The following SVOPL variants were observed in gnomAD, a reference collection of about 807,000 sequenced individuals.
SVOPL encodes putative transporter SVOPL.
A neutral mutation model predicts 61.0 loss-of-function variants in SVOPL; 60 were observed. That is an observed-to-expected ratio of 0.98 (90% CI 0.80 to 1.22). The LOEUF (loss-of-function observed/expected upper bound fraction) is 1.22, where lower values mean the gene tolerates loss of function less well. Ranked by LOEUF, SVOPL falls within the 50% of genes most tolerant of loss-of-function variation. SVOPL has a pLI of 0.00. For missense variants in SVOPL, 662 were observed against 643.9 expected, an observed-to-expected ratio of 1.03 and a Z score of -0.30; for synonymous variants, 279 against 250.0, an observed-to-expected ratio of 1.12 and a Z score of -1.09.
chr7:138,679,054 T>C lies in SVOPL; in HGVS notation c.-9A>G. 6.4e-7 allele frequency: 1 copy of C among 1,551,032 alleles called. No individual in the cohort carries two copies. The highest frequency in any genetic ancestry group is 8.7e-7 in the Non-Finnish European group (1 of 1,146,690). ...GTTGGCTTGGTTGCCATCTTCTAAA[T>C]AGCTCAAGTTCCCCAAACAGCTTCC... On this transcript the variant is annotated 5_prime_UTR_variant, in exon 2 of 16. Coordinates refer to ENST00000674285, the MANE Select transcript of SVOPL (RefSeq NM_001139456.2).
chr7:138,603,597 G>A lies in SVOPL; in HGVS notation c.1354-7067C>T, dbSNP rs1198644285. ...TGAGGCACAAGAATTGCTTGAACCCGGCAGGCAGAGGTTGCAGTGAGCGGA... is the reference window on the plus strand; with the variant it reads ...TGAGGCACAAGAATTGCTTGAACCCAGCAGGCAGAGGTTGCAGTGAGCGGA... On this transcript the variant is annotated intron_variant, in intron 14 of 15. Coordinates refer to ENST00000674285, the MANE Select transcript of SVOPL (RefSeq NM_001139456.2). 5.3e-5 allele frequency among the ~76,000 whole-genome samples: 8 copies of A among 152,156 alleles called. No homozygotes were observed. In the South Asian group the frequency reaches 6.2e-4, roughly 12 times the overall value.
At chr7:138,622,010 C>CTATG (rs1799622910) in intron 13 of SVOPL, among the ~76,000 whole-genome samples, 6 of 46,260 alleles carry the variant, frequency 1.3e-4, no homozygotes, top group Admixed American at 5.1e-4. Flanking sequence ...ATCTATGTAT[C>CTATG]TATCTATGTA....
At chr7:138,687,825 T>G (rs1802854463) in intron 1 of SVOPL, among the ~76,000 whole-genome samples, 1 of 151,224 alleles carries the variant, frequency 6.6e-6, no homozygotes, top group Non-Finnish European at 1.5e-5. Context: ...TTTTTTTAAA[T>G]AGAGTCTTGC....
intron 8 of SVOPL, among the ~76,000 whole-genome samples, chr7:138,645,394 G>A (rs778206068): frequency 5.3e-5 from 8 of 152,074 alleles, no homozygotes; most frequent in Non-Finnish European, 1.2e-4. Context: ...CGTCTCTCAC[G>A]CCTCACGCAA....
intron 3 of SVOPL, among the ~76,000 whole-genome samples, chr7:138,673,646 AAAT>A (rs1323965914): frequency 1.3e-5 from 2 of 151,804 alleles, no homozygotes; most frequent in Non-Finnish European, 2.9e-5. Flanking sequence ...CCCTGTCTAC[AAAT>A]AATAATAATC....
At chr7:138,651,097 T>A (rs1801410859) in intron 7 of SVOPL, among the ~76,000 whole-genome samples, 1 of 151,858 alleles carries the variant, frequency 6.6e-6, no homozygotes, top group Admixed American at 6.6e-5. Context: ...CCCTCAGGTA[T>A]GAGCCAGTTC....
At position 138,690,833 on chromosome 7, in the gene SVOPL, C is replaced by T. The variant is rs557163864; in HGVS notation, c.-35+10345G>A. Among the ~76,000 whole-genome samples, 25 of 152,034 alleles carry T rather than the reference C, an allele frequency of 1.6e-4. No homozygotes were observed. The South Asian group carries it at 3.5e-3, about 22-fold the overall frequency. ...TGTTGCCCAGGCTGGAGTGCAGTGG[C>T]GCAATCTCAGCTCACTTCAGCCTCT... On this transcript the variant is annotated intron_variant, in intron 1 of 15. Transcript: ENST00000674285.
intron 9 of SVOPL, among the ~76,000 whole-genome samples, chr7:138,641,240 A>C (rs1445823997): frequency 6.6e-6 from 1 of 151,200 alleles, no homozygotes; most frequent in Non-Finnish European, 1.5e-5. Context: ...AAAAAAAAAA[A>C]AAAAACTTAA....
chr7:138,651,969 G>A (rs530736585), intron 7 of SVOPL, among the ~76,000 whole-genome samples: 2 of 152,118 alleles, frequency 1.3e-5, no homozygotes, highest in East Asian at 1.9e-4. Context: ...GCGCAATCAC[G>A]GCTCACTGCA....
chr7:138,613,153 G>A (rs552430029), intron 14 of SVOPL, among the ~76,000 whole-genome samples: 1 of 152,022 alleles, frequency 6.6e-6, no homozygotes, highest in East Asian at 1.9e-4. Flanking sequence ...CCAACTAGCT[G>A]GGACTACAGA....
chr7:138,661,982 A>T (rs1232593237), intron 5 of SVOPL: 1 of 985,472 alleles, frequency 1.0e-6, no homozygotes, highest in Non-Finnish European at 1.2e-6. Context: ...TGCTGCATGA[A>T]CCCACTGCGT....
chr7:138,667,295 G>C (rs1291506550), intron 4 of SVOPL, among the ~76,000 whole-genome samples: 3 of 152,102 alleles, frequency 2.0e-5, no homozygotes, highest in Non-Finnish European at 2.9e-5. Context: ...ATTCTTTGCT[G>C]GTCTTGAAAC....
chr7:138,646,704 A>G (rs1801132617), intron 8 of SVOPL, among the ~76,000 whole-genome samples: 1 of 152,026 alleles, frequency 6.6e-6, no homozygotes, highest in Non-Finnish European at 1.5e-5. Context: ...TTTTTAATAG[A>G]GATGGGGTTC....
At chr7:138,648,192 T>A (rs1296020055) in intron 8 of SVOPL, among the ~76,000 whole-genome samples, 1 of 151,010 alleles carries the variant, frequency 6.6e-6, no homozygotes, top group Non-Finnish European at 1.5e-5. Flanking sequence ...AAGGAGAGAG[T>A]GGAGTCAGCA....
At chr7:138,677,618 C>T (rs182068942) in intron 3 of SVOPL, among the ~76,000 whole-genome samples, 3 of 152,212 alleles carry the variant, frequency 2.0e-5, no homozygotes, top group African/African-American at 7.2e-5. Context: ...TCCAGGCCCT[C>T]CCAATCCTGA....
chr7:138,672,566 G>A (rs1802450212), intron 3 of SVOPL, among the ~76,000 whole-genome samples: 3 of 150,940 alleles, frequency 2.0e-5, no homozygotes, highest in Admixed American at 2.0e-4. Context: ...ATCTCAAGCT[G>A]GGATAGTAAG....
intron 7 of SVOPL, among the ~76,000 whole-genome samples, chr7:138,653,428 G>T (rs1206491760): frequency 6.6e-6 from 1 of 152,156 alleles, no homozygotes; most frequent in African/African-American, 2.4e-5. Context: ...CTGTTATTAG[G>T]GGTTAATGCT....
intron 14 of SVOPL, among the ~76,000 whole-genome samples, chr7:138,597,401 T>C: frequency 6.6e-6 from 1 of 152,180 alleles, no homozygotes; most frequent in East Asian, 1.9e-4. Flanking sequence ...ACACACAGCC[T>C]AGTGTTACCA....
At chr7:138,627,955 G>C (rs909052886) in intron 11 of SVOPL, among the ~76,000 whole-genome samples, 1 of 152,120 alleles carries the variant, frequency 6.6e-6, no homozygotes, top group Non-Finnish European at 1.5e-5. Context: ...ACAATTGATA[G>C]AATACAGCAC....
Sources: allele counts gnomAD v4.1 joint callset (sites outside exome capture counted in the v4.1 genomes callset), GRCh38; gene constraint gnomAD v4.1.1; transcripts MANE v1.5; gene names NCBI Gene and HGNC (gene_info 2026-07-23, HGNC 2026-07-21).